Variants in DCDC1 observed in about 807,000 individuals in gnomAD.
The protein encoded by DCDC1 is doublecortin domain containing 1.
In DCDC1, 200 loss-of-function variants were observed where a neutral mutation model predicts 178.3. That is an observed-to-expected ratio of 1.12 (90% CI 1.00 to 1.26). The LOEUF is 1.26. DCDC1 is among the 50% of genes most tolerant of loss of function. The probability of loss-of-function intolerance (pLI) is 0.00; values close to 1 mark genes in which losing one functional copy is unlikely to be tolerated. For synonymous variants in DCDC1, 690 were observed against 604.8 expected, an observed-to-expected ratio of 1.14 and a Z score of -2.07; for missense variants, 1,983 against 1,749.2, an observed-to-expected ratio of 1.13 and a Z score of -2.38.
At chr11:31,169,941 A>T (rs932933177) in intron 9 of DCDC1, among the ~76,000 whole-genome samples, 11 of 152,194 alleles carry the variant, frequency 7.2e-5, no homozygotes, top group African/African-American at 2.4e-5. Context: ...GCTAAGGCTC[A>T]AAGAAGGAAA....
chr11:31,294,794 AAGAAAAAGAAAGAAAG>A (rs1203116459), intron 6 of DCDC1, among the ~76,000 whole-genome samples: 1 of 140,286 alleles, frequency 7.1e-6, no homozygotes, highest in Non-Finnish European at 1.5e-5. Flanking sequence ...AAGAAAAATA[AAGAAAAAGAAAGAAAG>A]AAAGAAAGAA....
At chr11:31,211,054 C>T (rs1399818369) in intron 9 of DCDC1, among the ~76,000 whole-genome samples, 1 of 152,146 alleles carries the variant, frequency 6.6e-6, no homozygotes, top group East Asian at 1.9e-4. Context: ...CTCTGGACTA[C>T]TTCAGAAAAC....
At chr11:30,940,791 T>TA (rs1402483889) in intron 21 of DCDC1, among the ~76,000 whole-genome samples, 2 of 152,166 alleles carry the variant, frequency 1.3e-5, no homozygotes, top group Non-Finnish European at 2.9e-5. Flanking sequence ...TCTTTCCTTC[T>TA]AATTCTTTGA....
At chr11:31,003,634 T>C (rs1244094924) in intron 20 of DCDC1, among the ~76,000 whole-genome samples, 5 of 152,130 alleles carry the variant, frequency 3.3e-5, no homozygotes, top group Non-Finnish European at 7.4e-5. Flanking sequence ...TCTAAGGCAT[T>C]TTATGGGCAA....
intron 20 of DCDC1, among the ~76,000 whole-genome samples, chr11:31,037,485 T>A (rs78704835): frequency 6.8e-6 from 1 of 148,092 alleles, no homozygotes; most frequent in Non-Finnish European, 1.5e-5. Context: ...CAGGCTGGAG[T>A]GCAGTGGCGC....
chr11:31,311,148 A>G (rs1948748265), intron 3 of DCDC1, among the ~76,000 whole-genome samples: 1 of 152,180 alleles, frequency 6.6e-6, no homozygotes, highest in Non-Finnish European at 1.5e-5. Flanking sequence ...TTACGTTCAA[A>G]TTCCTCAAAG....
chr11:31,040,798 C>T (rs1954390651), intron 20 of DCDC1, among the ~76,000 whole-genome samples: 1 of 152,000 alleles, frequency 6.6e-6, no homozygotes, highest in Non-Finnish European at 1.5e-5. Context: ...TGTCTTAAAC[C>T]CTGTCTTATT....
intron 38 of DCDC1, among the ~76,000 whole-genome samples, chr11:30,876,893 G>GC (rs1210194403): frequency 3.3e-5 from 5 of 152,052 alleles, no homozygotes; most frequent in African/African-American, 1.2e-4. Flanking sequence ...CCAACGGGGA[G>GC]CAAGTTTCTT....
chr11:31,213,099 G>GT lies in DCDC1; in HGVS notation c.1221+28350_1221+28351insA, dbSNP rs1565441563. 1.7e-3 allele frequency among the ~76,000 whole-genome samples: 51 copies of GT among 29,486 alleles called. 5 individuals carry two copies. Among genetic ancestry groups the GT allele is most frequent in the African/African-American group, 3.7e-3 (28 of 7,490 alleles). 19.3% of individuals were successfully genotyped at this position (29,486 alleles called of 152,430 possible). A position where few individuals can be genotyped will look rare whatever the true frequency, so the allele number is the denominator to read the frequency against. ...TGTGTCATCTTCTATATAAAGCCCA[G>GT]CCTCTCTCTCTCTCTCTCTCTCTCT... On this transcript the variant is annotated intron_variant, in intron 9 of 38. Coordinates refer to ENST00000684477, the MANE Select transcript of DCDC1 (RefSeq NM_001387274.1).
At chr11:31,189,304 G>A (rs1334653552) in intron 9 of DCDC1, among the ~76,000 whole-genome samples, 1 of 152,102 alleles carries the variant, frequency 6.6e-6, no homozygotes, top group Non-Finnish European at 1.5e-5. Context: ...TCACACATTG[G>A]AAAAGTAGAT....
chr11:31,219,582 G>A (rs1342281260), intron 9 of DCDC1, among the ~76,000 whole-genome samples: 1 of 152,132 alleles, frequency 6.6e-6, no homozygotes, highest in African/African-American at 2.4e-5. Context: ...TTTAGTCAAA[G>A]AATTAGACTT....
intron 9 of DCDC1, among the ~76,000 whole-genome samples, chr11:31,236,104 A>G (rs1409998040): frequency 2.0e-5 from 3 of 152,064 alleles, no homozygotes; most frequent in African/African-American, 7.2e-5. Flanking sequence ...GCTTTATGAC[A>G]AGTCAAATGA....
intron 11 of DCDC1, among the ~76,000 whole-genome samples, chr11:31,123,111 G>A (rs946030127): frequency 6.6e-6 from 1 of 151,954 alleles, no homozygotes; most frequent in African/African-American, 2.4e-5. Flanking sequence ...ACAGTGTGTG[G>A]TATTTCAACT....
intron 15 of DCDC1, among the ~76,000 whole-genome samples, chr11:31,099,724 T>G (rs538551778): frequency 2.3e-4 from 35 of 148,948 alleles, no homozygotes; most frequent in Middle Eastern, 3.5e-3. Flanking sequence ...GTTTGTTGTT[T>G]TTTTTTTTTT....
At chr11:31,049,123 G>A (rs648905) in intron 20 of DCDC1, among the ~76,000 whole-genome samples, 74,265 of 152,066 alleles carry the variant, frequency 0.49, 18,389 homozygotes, top group Middle Eastern at 0.57. Context: ...AAATAAAAAT[G>A]GATGACTTTT....
At chr11:31,038,863 GA>G (rs201571433) in intron 20 of DCDC1, among the ~76,000 whole-genome samples, 36 of 143,932 alleles carry the variant, frequency 2.5e-4, no homozygotes, top group East Asian at 1.8e-3. Context: ...ATCTTTTGAT[GA>G]AAAAAAAAAG....
intron 24 of DCDC1, 134 bp downstream of exon 24, chr11:30,922,369 G>A (rs1186470110): frequency 9.6e-7 from 1 of 1,040,552 alleles, no homozygotes; most frequent in Non-Finnish European, 1.3e-6. Context: ...ACATAATTTA[G>A]TTTAAAGAGT....
chr11:31,288,404 T>A (rs1354896136), intron 7 of DCDC1, among the ~76,000 whole-genome samples: 1 of 151,992 alleles, frequency 6.6e-6, no homozygotes, highest in African/African-American at 2.4e-5. Context: ...CAGAGTTTAG[T>A]AAAGGAATAT....
At position 30,946,467 on chromosome 11, in the gene DCDC1, A is replaced by G. The variant is rs536878270; in HGVS notation, c.2715+5978T>C. Among the ~76,000 whole-genome samples the G allele has an allele frequency of 9.4e-4, 143 of 152,312 alleles. 1 individual carries two copies. The highest frequency in any genetic ancestry group is 3.4e-3 in the Middle Eastern group (1 of 294). ...CACCACAATGCTTTTGCTATTTTGA[A>G]TAACTCTTTTTTTCTTTTAACAAAA... On this transcript the variant is annotated intron_variant, in intron 21 of 38. Coordinates refer to ENST00000684477, the MANE Select transcript of DCDC1 (RefSeq NM_001387274.1).
Sources: allele counts gnomAD v4.1 joint callset (sites outside exome capture counted in the v4.1 genomes callset), GRCh38; gene constraint gnomAD v4.1.1; transcripts MANE v1.5; gene names NCBI Gene and HGNC (gene_info 2026-07-23, HGNC 2026-07-21).